SESTD1: variants seen among roughly 807,000 people sequenced by gnomAD.
SESTD1 encodes the protein SEC14 and spectrin domain containing 1.
SESTD1 carries 43 observed loss-of-function variants against 101.7 expected under a neutral mutation model. The observed-to-expected ratio is 0.42, with a 90% CI of 0.33 to 0.55. The LOEUF is 0.55. Among genes scored for constraint, SESTD1 ranks in the 20% least tolerant of loss-of-function variants. The probability of loss-of-function intolerance (pLI) is 0.07; values close to 1 mark genes in which losing one functional copy is unlikely to be tolerated. For synonymous variants in SESTD1, 283 were observed against 286.8 expected (o/e 0.99, Z 0.13); for missense variants, 647 against 815.1 (o/e 0.79, Z 2.51).
chr2:179,153,519 C>G (rs1257236974), intron 5 of SESTD1, among the ~76,000 whole-genome samples: 2 of 152,070 alleles, frequency 1.3e-5, no homozygotes, highest in Non-Finnish European at 2.9e-5. Flanking sequence ...CTCACACACA[C>G]TTATATGTAT....
chr2:179,235,454 G>A (rs1205857492), intron 1 of SESTD1, among the ~76,000 whole-genome samples: 2 of 152,092 alleles, frequency 1.3e-5, no homozygotes, highest in Non-Finnish European at 2.9e-5. Flanking sequence ...ATAAATTTAG[G>A]TAAAATTACA....
chr2:179,169,011 C>A (rs765945118), intron 5 of SESTD1, among the ~76,000 whole-genome samples: 1 of 151,846 alleles, frequency 6.6e-6, no homozygotes, highest in African/African-American at 2.4e-5. Flanking sequence ...AAGCCAATAA[C>A]GGAGTGAGGT....
At chr2:179,206,247 A>T (rs1002283110) in intron 1 of SESTD1, among the ~76,000 whole-genome samples, 1 of 135,622 alleles carries the variant, frequency 7.4e-6, no homozygotes, top group Non-Finnish European at 1.6e-5. Flanking sequence ...GGAACATAAC[A>T]GGAAAACTAA....
chr2:179,110,999 G>A (rs1487472906), intron 17 of SESTD1, among the ~76,000 whole-genome samples: 2 of 152,284 alleles, frequency 1.3e-5, no homozygotes, highest in East Asian at 1.9e-4. Flanking sequence ...AAACACAGAC[G>A]AGAAGCTGAA....
intron 5 of SESTD1, among the ~76,000 whole-genome samples, chr2:179,161,447 G>A (rs981096996): frequency 6.6e-6 from 1 of 152,090 alleles, no homozygotes; most frequent in African/African-American, 2.4e-5. Context: ...TGGATCACGA[G>A]GTCAAGAGAT....
chr2:179,214,240 C>G (rs2046688350), intron 1 of SESTD1, among the ~76,000 whole-genome samples: 1 of 133,990 alleles, frequency 7.5e-6, no homozygotes, highest in Non-Finnish European at 1.6e-5. Context: ...AGACCCATCT[C>G]ACATGTAGAG....
chr2:179,170,345 A>T (rs1047510332), intron 5 of SESTD1, among the ~76,000 whole-genome samples: 2 of 152,208 alleles, frequency 1.3e-5, no homozygotes, highest in Admixed American at 6.5e-5. Context: ...AATGACTTCT[A>T]TACAAAATAC....
intron 13 of SESTD1, among the ~76,000 whole-genome samples, chr2:179,120,895 A>T (rs185485216): frequency 4.6e-5 from 7 of 152,330 alleles, no homozygotes; most frequent in Non-Finnish European, 8.8e-5. Context: ...TTAAAACAGG[A>T]GAAATTTAAG....
chr2:179,202,745 A>C (rs1305604351), intron 1 of SESTD1, among the ~76,000 whole-genome samples: 2 of 135,224 alleles, frequency 1.5e-5, no homozygotes, highest in African/African-American at 5.8e-5. Context: ...TGTGAATGGA[A>C]TCATTCTCTC....
rs2044398778 is a variant in SESTD1 at position 179,106,992 on chromosome 2, G to C, written c.*2907C>G. On this transcript the variant is annotated 3_prime_UTR_variant, in exon 18 of 18. Transcript: ENST00000428443. Reference sequence around the variant, plus strand: ...AAACCCAAAAAAACCAAAACAAAATGAAACTAACCCTGCCAGCGTTTCAAT... The same window carrying C: ...AAACCCAAAAAAACCAAAACAAAATCAAACTAACCCTGCCAGCGTTTCAAT... 6.6e-6 allele frequency: 1 copy of C among 151,964 alleles called. No homozygotes were observed. Among genetic ancestry groups the C allele is most frequent in the African/African-American group, 2.4e-5 (1 of 41,378 alleles). 9.4% of individuals were successfully genotyped at this position (151,964 alleles called of 1,614,324 possible).
chr2:179,264,063 G>T (rs1181879133), intron 1 of SESTD1: 2 of 152,326 alleles, frequency 1.3e-5, no homozygotes, highest in Non-Finnish European at 2.9e-5. Flanking sequence ...GCCACATCTG[G>T]TTCCTGCACG....
intron 2 of SESTD1, among the ~76,000 whole-genome samples, chr2:179,189,013 T>C (rs754091219): frequency 8.5e-5 from 13 of 152,150 alleles, no homozygotes; most frequent in African/African-American, 1.7e-4. Flanking sequence ...AGAGAAGAGC[T>C]AGTACCAATC....
chr2:179,130,345 A>G (rs1029750591), intron 10 of SESTD1, among the ~76,000 whole-genome samples: 5 of 152,284 alleles, frequency 3.3e-5, no homozygotes, highest in African/African-American at 7.2e-5. Flanking sequence ...TTGCAATTCA[A>G]AAGTTTTATA....
intron 7 of SESTD1, among the ~76,000 whole-genome samples, chr2:179,146,669 T>A (rs923641044): frequency 1.3e-5 from 2 of 152,178 alleles, no homozygotes; most frequent in Non-Finnish European, 2.9e-5. Context: ...TAATAAATCA[T>A]AAAATAACTA....
At chr2:179,120,021 G>GAGTT (rs1196504400) in intron 13 of SESTD1, among the ~76,000 whole-genome samples, 8 of 152,102 alleles carry the variant, frequency 5.3e-5, no homozygotes, top group Non-Finnish European at 1.2e-4. Flanking sequence ...ACGAGGTCAG[G>GAGTT]AGTTTGAAAC....
At chr2:179,253,313 T>A (rs1433104682) in intron 1 of SESTD1, among the ~76,000 whole-genome samples, 1 of 152,176 alleles carries the variant, frequency 6.6e-6, no homozygotes, top group Non-Finnish European at 1.5e-5. Flanking sequence ...GTTTTCTAGA[T>A]GGTTCCTGAA....
At chr2:179,257,809 G>A (rs1385832865) in intron 1 of SESTD1, among the ~76,000 whole-genome samples, 2 of 152,178 alleles carry the variant, frequency 1.3e-5, no homozygotes, top group African/African-American at 2.4e-5. Context: ...GGCAATCTAA[G>A]AGATACACAG....
rs544638995 is a variant in SESTD1 at position 179,193,371 on chromosome 2, C to T, written c.-25-1505G>A. ...TATTCAAGTTTGTTCTATATTAGCCCGGCAAACAGACTAGTAGGAAGTAGA... is the reference window on the plus strand; with the variant it reads ...TATTCAAGTTTGTTCTATATTAGCCTGGCAAACAGACTAGTAGGAAGTAGA... On this transcript the variant is annotated intron_variant, in intron 1 of 17. Coordinates refer to ENST00000428443, the MANE Select transcript of SESTD1 (RefSeq NM_178123.5). 6.6e-5 allele frequency among the ~76,000 whole-genome samples: 10 copies of T among 152,054 alleles called. 1 individual carries two copies. The highest frequency in any genetic ancestry group is 6.2e-4 in the South Asian group (3 of 4,820).
At chr2:179,143,979 AATAT>A (rs1222554394) in intron 8 of SESTD1, among the ~76,000 whole-genome samples, 176 bp from the exon 9 acceptor site, 1 of 151,224 alleles carries the variant, frequency 6.6e-6, no homozygotes, top group Non-Finnish European at 1.5e-5. Flanking sequence ...TGTACATATT[AATAT>A]ATATATGTGT....
Sources: allele counts gnomAD v4.1 joint callset (sites outside exome capture counted in the v4.1 genomes callset), GRCh38; gene constraint gnomAD v4.1.1; transcripts MANE v1.5; gene names NCBI Gene and HGNC (gene_info 2026-07-23, HGNC 2026-07-21).